The following ADCY2 variants were observed in gnomAD, a reference collection of about 807,000 sequenced individuals.
ADCY2 encodes the protein adenylate cyclase type 2.
A neutral mutation model predicts 125.2 loss-of-function variants in ADCY2; 31 were observed. That is an observed-to-expected ratio of 0.25 (90% CI 0.19 to 0.33). The LOEUF (loss-of-function observed/expected upper bound fraction) is 0.33. ADCY2 is among the 10% of genes least tolerant of loss of function. ADCY2 has a pLI of 1.00. For synonymous variants in ADCY2, 512 were observed against 548.4 expected, an observed-to-expected ratio of 0.93 and a Z score of 0.93; for missense variants, 904 against 1,418.2, an observed-to-expected ratio of 0.64 and a Z score of 5.82.
At position 7,706,616 on chromosome 5, in the gene ADCY2, T is replaced by C. The variant is rs974271145; in HGVS notation, c.1110-128T>C. ...AGCTCAGAGGAGTGATCTCCTGCCA[T>C]AGGAAGGTTTATGGTCATTTCCGAC... On this transcript the variant is annotated intron_variant, in intron 7 of 24. Transcript: ENST00000338316. The C allele has an allele frequency of 9.7e-6, 10 of 1,034,590 alleles. No individual in the cohort carries two copies. In the African/African-American group the frequency reaches 1.6e-4, roughly 16 times the overall value. 64.1% of individuals were successfully genotyped at this position (1,034,590 alleles called of 1,614,324 possible).
chr5:7,756,880 G>T (rs570344072), intron 15 of ADCY2, among the ~76,000 whole-genome samples: 42 of 152,270 alleles, frequency 2.8e-4, no homozygotes, highest in African/African-American at 9.9e-4. Flanking sequence ...GAGCTTCTCC[G>T]TGTGGGAGAA....
chr5:7,593,804 GA>G lies in ADCY2; in HGVS notation c.571-32353del, dbSNP rs200781494. On this transcript the variant is annotated intron_variant, in intron 3 of 24. Transcript: ENST00000338316. Reference sequence around the variant, plus strand: ...GGAAGATGAGACAATAGACAAACGTGAAAAAAAAAATAACATGACAGAGTGT... The same window carrying G: ...GGAAGATGAGACAATAGACAAACGTGAAAAAAAAATAACATGACAGAGTGT... Among the ~76,000 whole-genome samples, 290 of 148,130 alleles carry G rather than the reference GA, an allele frequency of 2.0e-3. 2 individuals carry two copies. The highest frequency in any genetic ancestry group is 5.4e-4 in the Non-Finnish European group (36 of 66,818).
chr5:7,604,229 G>A (rs1253836758), intron 3 of ADCY2, among the ~76,000 whole-genome samples: 8 of 13,490 alleles, frequency 5.9e-4, no homozygotes, highest in African/African-American at 4.1e-4. Flanking sequence ...TTGGACATTT[G>A]GGTTGGTTCC....
chr5:7,720,522 T>C (rs1741723877), intron 12 of ADCY2, among the ~76,000 whole-genome samples: 1 of 152,126 alleles, frequency 6.6e-6, no homozygotes, highest in African/African-American at 2.4e-5. Flanking sequence ...ACATTAGGTA[T>C]ATCTCCTAAT....
chr5:7,717,545 T>C (rs1047024158), intron 12 of ADCY2, among the ~76,000 whole-genome samples: 2 of 152,224 alleles, frequency 1.3e-5, no homozygotes, highest in African/African-American at 2.4e-5. Flanking sequence ...ATAGATTCTA[T>C]ATGGGAAAAC....
chr5:7,609,225 A>ATATT (rs1485987378), intron 3 of ADCY2, among the ~76,000 whole-genome samples: 1 of 152,242 alleles, frequency 6.6e-6, no homozygotes, highest in Non-Finnish European at 1.5e-5. Flanking sequence ...CATAACCCTG[A>ATATT]TATTCAGGGA....
At chr5:7,459,366 G>A (rs1447270784) in intron 2 of ADCY2, among the ~76,000 whole-genome samples, 1 of 152,112 alleles carries the variant, frequency 6.6e-6, no homozygotes, top group African/African-American at 2.4e-5. Flanking sequence ...AACAGTCAGG[G>A]GTGTCTTGCG....
intron 2 of ADCY2, among the ~76,000 whole-genome samples, chr5:7,470,160 A>T (rs561164306): frequency 6.6e-6 from 1 of 151,724 alleles, no homozygotes; most frequent in African/African-American, 2.4e-5. Flanking sequence ...TTATCATCTT[A>T]TTGGTTTGCC....
chr5:7,631,754 C>T (rs898059941), intron 4 of ADCY2, among the ~76,000 whole-genome samples: 4 of 152,150 alleles, frequency 2.6e-5, no homozygotes, highest in African/African-American at 9.7e-5. Context: ...GCCAGCCATG[C>T]CATCCCCAAA....
At chr5:7,707,964 T>C in intron 9 of ADCY2, 126 bp downstream of exon 9, 2 of 1,016,854 alleles carry the variant, frequency 2.0e-6, no homozygotes, top group South Asian at 3.7e-5. Flanking sequence ...ATATTTTAAA[T>C]GCATATGGTG....
intron 2 of ADCY2, among the ~76,000 whole-genome samples, chr5:7,458,590 G>A (rs989396530): frequency 6.6e-6 from 1 of 152,102 alleles, no homozygotes; most frequent in African/African-American, 2.4e-5. Context: ...ATCATTTCCA[G>A]CTGGCGTATG....
chr5:7,415,660 A>G (rs1473851091), intron 2 of ADCY2, among the ~76,000 whole-genome samples: 1 of 152,084 alleles, frequency 6.6e-6, no homozygotes, highest in Non-Finnish European at 1.5e-5. Context: ...ACCTGCTGAA[A>G]AACCCACATT....
rs534317459 is a variant in ADCY2 at position 7,719,824 on chromosome 5, CT to C, written c.1703+2590del. The stretch of plus-strand genomic sequence containing the variant: ...TGGGAGTTAGGGCTTCAAAGATGAA[CT>C]TTGGTGGGGGACACAAACTTGCAGT... On this transcript the variant is annotated intron_variant, in intron 12 of 24. Transcript: ENST00000338316. Among the ~76,000 whole-genome samples, 270 of 152,262 alleles carry C rather than the reference CT, an allele frequency of 1.8e-3. 1 individual carries two copies. Among genetic ancestry groups the C allele is most frequent in the African/African-American group, 6.1e-3 (253 of 41,568 alleles).
chr5:7,507,001 A>G (rs1000288499), intron 2 of ADCY2, among the ~76,000 whole-genome samples: 4 of 148,226 alleles, frequency 2.7e-5, no homozygotes, highest in African/African-American at 9.9e-5. Context: ...GTTAGCCAGG[A>G]TGGTCTCGAT....
intron 2 of ADCY2, among the ~76,000 whole-genome samples, chr5:7,499,648 G>GAGATATATAT (rs1554014326): frequency 8.4e-6 from 1 of 118,432 alleles, no homozygotes. Flanking sequence ...TATGTGGGTG[G>GAGATATATAT]ATATATATAT....
chr5:7,660,495 T>G lies in ADCY2; in HGVS notation c.721-30196T>G, dbSNP rs73739874. On this transcript the variant is annotated intron_variant, in intron 4 of 24. Transcript: ENST00000338316. Reference sequence around the variant, plus strand: ...AGGTGTATATATAGAGAAGGAAATTTACTTTAAGGAACTGGCTTATGCAAT... The same window carrying G: ...AGGTGTATATATAGAGAAGGAAATTGACTTTAAGGAACTGGCTTATGCAAT... Among the ~76,000 whole-genome samples, 1,097 of 152,202 alleles carry G rather than the reference T, an allele frequency of 7.2e-3. 16 individuals carry two copies. The highest frequency in any genetic ancestry group is 0.025 in the African/African-American group (1,050 of 41,528).
intron 12 of ADCY2, among the ~76,000 whole-genome samples, chr5:7,722,346 C>G (rs907289373): frequency 1.3e-5 from 2 of 152,152 alleles, no homozygotes; most frequent in Admixed American, 6.5e-5. Context: ...TGATTTCACT[C>G]TCACTCGCAA....
At chr5:7,717,505 G>C (rs968499934) in intron 12 of ADCY2, among the ~76,000 whole-genome samples, 1 of 152,192 alleles carries the variant, frequency 6.6e-6, no homozygotes, top group African/African-American at 2.4e-5. Context: ...ATTACAGCAC[G>C]ATGTGTTCAG....
At chr5:7,455,714 TTA>T (rs1051966080) in intron 2 of ADCY2, among the ~76,000 whole-genome samples, 12 of 144,836 alleles carry the variant, frequency 8.3e-5, no homozygotes, top group African/African-American at 3.1e-4. Context: ...CATAATTATA[TTA>T]TGTTATTATA....
Sources: gnomAD v4.1 joint callset for allele counts (sites outside exome capture counted in the v4.1 genomes callset) on GRCh38, gnomAD v4.1.1 for gene constraint, MANE v1.5 for transcripts, NCBI Gene and HGNC (gene_info 2026-07-23, HGNC 2026-07-21) for gene names.